DEFB1: variants seen among roughly 807,000 people sequenced by gnomAD.
DEFB1 encodes beta-defensin 1.
DEFB1 carries 4 observed loss-of-function variants against 2.6 expected under a neutral mutation model. That is an observed-to-expected ratio of 1.53 (90% confidence interval 0.76 to 3.51). The LOEUF is 3.51. Ranked by LOEUF, DEFB1 falls within the 30% of genes most tolerant of loss-of-function variation. The pLI is 0.01. For missense variants in DEFB1, 162 were observed against 76.9 expected, an observed-to-expected ratio of 2.11 and a Z score of -4.14; for synonymous variants, 56 against 28.5, an observed-to-expected ratio of 1.96 and a Z score of -3.07.
At chr8:6,875,059 C>T (rs905396088) in intron 1 of DEFB1, among the ~76,000 whole-genome samples, 1 of 118,574 alleles carries the variant, frequency 8.4e-6, no homozygotes, top group South Asian at 3.1e-4. Flanking sequence ...TACTTCATAC[C>T]GAAGCCACAC....
At chr8:6,876,203 G>A (rs28699101) in intron 1 of DEFB1, among the ~76,000 whole-genome samples, 9 of 152,154 alleles carry the variant, frequency 5.9e-5, no homozygotes, top group Non-Finnish European at 8.8e-5. Context: ...TGGGCTGGGC[G>A]TGGTGGCTCA....
rs970309789 is a variant in DEFB1, at chr8:6,877,906, G to C, written c.-49C>G. ...GATTTCAGGAACTGGGGAGACGCTGGCTCCTTTGGAGGCTGAGCTGACAGA... is the reference window on the plus strand; with the variant it reads ...GATTTCAGGAACTGGGGAGACGCTGCCTCCTTTGGAGGCTGAGCTGACAGA... On this transcript the variant is annotated 5_prime_UTR_variant, in exon 1 of 2. Coordinates refer to ENST00000297439, the MANE Select transcript of DEFB1 (RefSeq NM_005218.4). 61 of 1,573,196 alleles carry C rather than the reference G, an allele frequency of 3.9e-5. No homozygotes were observed. Among genetic ancestry groups the C allele is most frequent in the Non-Finnish European group, 5.2e-5 (60 of 1,143,186 alleles).
chr8:6,871,845 A>G (rs144163616), intron 1 of DEFB1, among the ~76,000 whole-genome samples: 1 of 152,320 alleles, frequency 6.6e-6, no homozygotes, highest in African/African-American at 2.4e-5. Context: ...CAGGACTGCG[A>G]GGAAATAAAT....
chr8:6,871,899 C>T lies in DEFB1; in HGVS notation c.62-1073G>A, dbSNP rs1019975976. Among the ~76,000 whole-genome samples, 84 of 152,126 alleles carry T rather than the reference C, an allele frequency of 5.5e-4. 1 individual carries two copies. The highest frequency in any genetic ancestry group is 4.6e-4 in the African/African-American group (19 of 41,416). On this transcript the variant is annotated intron_variant, in intron 1 of 1. Coordinates refer to ENST00000297439, the MANE Select transcript of DEFB1 (RefSeq NM_005218.4). ...CTGGTCTGTTTATGGGCAGTTTAAA[C>T]GATAAATCTGGTAGCCTGAGCGGAC...
At chr8:6,875,481 A>G (rs1425451263) in intron 1 of DEFB1, among the ~76,000 whole-genome samples, 4 of 152,224 alleles carry the variant, frequency 2.6e-5, no homozygotes. Context: ...ATTTTACAAA[A>G]AATAACCCAG....
At position 6,870,796 on chromosome 8, in the gene DEFB1, C is replaced by G. The variant is rs1450913373; in HGVS notation, c.92G>C (p.Arg31Thr). ...GGNFLTGLGHRSDHYNCVSSG... is the reference protein window; with the variant it reads ...GGNFLTGLGHTSDHYNCVSSG... ...GCTGACGCAATTGTAATGATCAGAT[C>G]TGTGGCCAAGGCCTGTGAGAAAGTT... Residue 31 changes from arginine (R) to threonine (T), a missense_variant, in exon 2 of 2, where the codon AGA becomes ACA. By Grantham distance (71) the Arg-to-Thr change is moderately conservative. Transcript: ENST00000297439. The G allele has an allele frequency of 1.9e-6, 3 of 1,614,044 alleles. No homozygotes were observed. Among genetic ancestry groups the G allele is most frequent in the African/African-American group, 1.3e-5 (1 of 75,062 alleles).
Position 6,877,918 on chromosome 8 carries a change from G to T in DEFB1, c.-61C>A, listed in dbSNP as rs1167990029. The T allele has an allele frequency of 1.3e-6, 2 of 1,510,798 alleles. No individual in the cohort carries two copies. The highest frequency in any genetic ancestry group is 1.4e-5 in the African/African-American group (1 of 72,870). 93.6% of individuals were successfully genotyped at this position (1,510,798 alleles called of 1,614,324 possible). A position where few individuals can be genotyped will look rare whatever the true frequency, so the allele number is the denominator to read the frequency against. On this transcript the variant is annotated 5_prime_UTR_variant, in exon 1 of 2. Coordinates refer to ENST00000297439, the MANE Select transcript of DEFB1 (RefSeq NM_005218.4). Reference sequence around the variant, plus strand: ...TGGGGAGACGCTGGCTCCTTTGGAGGCTGAGCTGACAGAGGCTTCCAGAGG... The same window carrying T: ...TGGGGAGACGCTGGCTCCTTTGGAGTCTGAGCTGACAGAGGCTTCCAGAGG...
rs552088408 is a variant in DEFB1, at chr8:6,875,276, T to C, written c.61+2521A>G. On this transcript the variant is annotated intron_variant, in intron 1 of 1. Transcript: ENST00000297439. Reference sequence around the variant, plus strand: ...AAAAGACATGACACATTCGACTACATTGAAATCATGATAAAAGCCTCTTTT... The same window carrying C: ...AAAAGACATGACACATTCGACTACACTGAAATCATGATAAAAGCCTCTTTT... Among the ~76,000 whole-genome samples the C allele has an allele frequency of 2.6e-5, 4 of 152,278 alleles. No homozygotes were observed. In the South Asian group the frequency reaches 6.2e-4, roughly 24 times the overall value.
chr8:6,874,616 C>T (rs938473191), intron 1 of DEFB1, among the ~76,000 whole-genome samples: 3 of 152,140 alleles, frequency 2.0e-5, no homozygotes, highest in African/African-American at 7.2e-5. Context: ...GAAAGAGGCT[C>T]ATGCATACAT....
chr8:6,876,184 A>T (rs1806520575), intron 1 of DEFB1, among the ~76,000 whole-genome samples: 1 of 152,056 alleles, frequency 6.6e-6, no homozygotes, highest in South Asian at 2.1e-4. Flanking sequence ...CTATTCCTTT[A>T]AAAAAACATG....
chr8:6,874,700 G>A (rs905835946), intron 1 of DEFB1, among the ~76,000 whole-genome samples: 1 of 152,134 alleles, frequency 6.6e-6, no homozygotes, highest in African/African-American at 2.4e-5. Flanking sequence ...GTTGGTTCTG[G>A]GCTGGGCATG....
At chr8:6,872,490 G>A (rs1172248824) in intron 1 of DEFB1, among the ~76,000 whole-genome samples, 3 of 151,986 alleles carry the variant, frequency 2.0e-5, no homozygotes, top group Admixed American at 1.3e-4. Context: ...GGCTTCAAAC[G>A]TTGGGAAGTC....
At chr8:6,873,432 C>T (rs1016926542) in intron 1 of DEFB1, among the ~76,000 whole-genome samples, 8 of 152,174 alleles carry the variant, frequency 5.3e-5, no homozygotes, top group Non-Finnish European at 1.0e-4. Flanking sequence ...ATTCTGTGTT[C>T]CACATCTAAT....
Position 6,870,611 on chromosome 8 carries a change from T to C in DEFB1, c.*70A>G. ...AGGAGGTATACTTCAAAAGCAATTT[T>C]CCTTTATTAAAAGAATGCTTATAAA... On this transcript the variant is annotated 3_prime_UTR_variant, in exon 2 of 2. Transcript: ENST00000297439. The C allele has an allele frequency of 7.0e-6, 11 of 1,565,226 alleles. No individual in the cohort carries two copies. Among genetic ancestry groups the C allele is most frequent in the Middle Eastern group, 1.7e-4 (1 of 5,808 alleles).
At chr8:6,875,655 A>C (rs1585001022) in intron 1 of DEFB1, among the ~76,000 whole-genome samples, 1 of 152,320 alleles carries the variant, frequency 6.6e-6, no homozygotes, top group Non-Finnish European at 1.5e-5. Context: ...ACTCTTATTC[A>C]CTGCTTGTGG....
In DEFB1 at chr8:6,871,824, C is replaced by T. The variant is rs1806330352; in HGVS notation, c.62-998G>A. Among the ~76,000 whole-genome samples the T allele has an allele frequency of 2.6e-5, 4 of 152,192 alleles. No individual in the cohort carries two copies. In the South Asian group the frequency reaches 8.3e-4, roughly 32 times the overall value. On this transcript the variant is annotated intron_variant, in intron 1 of 1. Transcript: ENST00000297439. ...ACCCTGCTTCCACCTTGATCGCAGA[C>T]TTCCTGCCTCCAGGACTGCGAGGAA...
At position 6,877,924 on chromosome 8, in the gene DEFB1, C is replaced by A. The variant is rs1169835757; in HGVS notation, c.-67G>T. On this transcript the variant is annotated 5_prime_UTR_variant, in exon 1 of 2. Coordinates refer to ENST00000297439, the MANE Select transcript of DEFB1 (RefSeq NM_005218.4). ...GACGCTGGCTCCTTTGGAGGCTGAG[C>A]TGACAGAGGCTTCCAGAGGCTGGAG... 1 of 1,429,368 alleles carries A rather than the reference C, an allele frequency of 7.0e-7. No homozygotes were observed. Among genetic ancestry groups the A allele is most frequent in the Non-Finnish European group, 9.9e-7 (1 of 1,012,930 alleles). 88.5% of individuals were successfully genotyped at this position (1,429,368 alleles called of 1,614,324 possible).
At chr8:6,876,675 T>C (rs1806541002) in intron 1 of DEFB1, among the ~76,000 whole-genome samples, 2 of 151,660 alleles carry the variant, frequency 1.3e-5, no homozygotes, top group Non-Finnish European at 1.5e-5. Context: ...TGGTGGTGCA[T>C]GCCTGTAGTC....
intron 1 of DEFB1, among the ~76,000 whole-genome samples, chr8:6,876,333 A>G (rs1294922799): frequency 6.6e-6 from 1 of 152,102 alleles, no homozygotes; most frequent in Non-Finnish European, 1.5e-5. Flanking sequence ...AAAATTAGCC[A>G]GGCTTGGTGG....
Sources: gnomAD v4.1 joint callset for allele counts (sites outside exome capture counted in the v4.1 genomes callset) on GRCh38, gnomAD v4.1.1 for gene constraint, MANE v1.5 for transcripts, NCBI Gene and HGNC (gene_info 2026-07-23, HGNC 2026-07-21) for gene names.